The following C10orf105 variants were observed in gnomAD, a reference collection of about 807,000 sequenced individuals.
C10orf105 encodes chromosome 10 open reading frame 105.
A neutral mutation model predicts 0.6 loss-of-function variants in C10orf105; 2 were observed. The observed-to-expected ratio is 3.18, with a 90% CI of 1.30 to 10.01. The LOEUF (loss-of-function observed/expected upper bound fraction) is 10.01, where lower values mean the gene tolerates loss of function less well. C10orf105 is among the 30% of genes most tolerant of loss of function. The pLI is 0.04. For synonymous variants in C10orf105, 95 were observed against 82.4 expected (o/e 1.15, Z -0.83); for missense variants, 209 against 191.4 (o/e 1.09, Z -0.54).
chr10:71,721,512 A>C (rs190457813), upstream of C10orf105, among the ~76,000 whole-genome samples: 33 of 152,338 alleles, frequency 2.2e-4, no homozygotes, highest in Admixed American at 7.8e-4. Context: ...CTGAGGCTCA[A>C]GGGGGCTAAA....
chr10:71,734,119 A>G, intron 1 of C10orf105: 1 of 789,064 alleles, frequency 1.3e-6, no homozygotes, highest in Non-Finnish European at 2.2e-6. Flanking sequence ...CAACAGACAG[A>G]GTGTCCTGGG....
upstream of C10orf105, among the ~76,000 whole-genome samples, chr10:71,720,790 G>C (rs972469738): frequency 1.3e-5 from 2 of 152,180 alleles, no homozygotes; most frequent in African/African-American, 2.4e-5. Flanking sequence ...AGAGAAAAGA[G>C]CCCCCGTCTT....
rs771459636 is a variant in C10orf105, at chr10:71,712,621, C to T, written c.*3315G>A. The T allele has an allele frequency of 2.2e-5, 36 of 1,606,534 alleles. No homozygotes were observed. Among genetic ancestry groups the T allele is most frequent in the Non-Finnish European group, 2.8e-5 (33 of 1,175,312 alleles). On this transcript the variant is annotated 3_prime_UTR_variant, in exon 2 of 2. Coordinates refer to ENST00000441508, the MANE Select transcript of C10orf105 (RefSeq NM_001164375.3). ...GCAAAGTCACAGGAAGTGTGCCCCT[C>T]TCTCAGGCAGCTGCTAACACCTGTC...
intron 1 of C10orf105, among the ~76,000 whole-genome samples, chr10:71,737,434 A>G (rs1839597200): frequency 1.3e-5 from 2 of 152,258 alleles, no homozygotes; most frequent in Non-Finnish European, 2.9e-5. Context: ...TCACTCTCCT[A>G]TACTTCTGAG....
chr10:71,725,814 C>T (rs185476207), intron 1 of C10orf105, among the ~76,000 whole-genome samples: 34 of 152,294 alleles, frequency 2.2e-4, no homozygotes, highest in Admixed American at 1.9e-3. Context: ...ACAGAGCTCT[C>T]TAGGGTAAGT....
At chr10:71,730,507 C>A (rs547970498) in intron 1 of C10orf105, 1 of 1,613,936 alleles carries the variant, frequency 6.2e-7, no homozygotes, top group Non-Finnish European at 8.5e-7. Flanking sequence ...ATGAGGCCCC[C>A]GTGTTCACAC....
chr10:71,726,198 C>A (rs1866802127), intron 1 of C10orf105, among the ~76,000 whole-genome samples: 1 of 152,110 alleles, frequency 6.6e-6, no homozygotes, highest in African/African-American at 2.4e-5. Flanking sequence ...TCACCCCCAC[C>A]CCTACACACT....
chr10:71,734,564 C>G, intron 1 of C10orf105: 2 of 1,606,116 alleles, frequency 1.2e-6, no homozygotes, highest in Non-Finnish European at 1.7e-6. Flanking sequence ...GAGACACTGC[C>G]GGGAGTGGGG....
At chr10:71,737,157 T>C (rs1839589751) in intron 1 of C10orf105, among the ~76,000 whole-genome samples, 1 of 152,138 alleles carries the variant, frequency 6.6e-6, no homozygotes. Flanking sequence ...GGACTGGGGC[T>C]CAGGGACCTC....
rs1327617939 is a variant in C10orf105, at chr10:71,716,253, G to C, written c.85C>G (p.Leu29Val). Reference sequence around the variant, plus strand: ...GGGAGGGGGTCAGTTGCCTCTGCAAGGGTCCCGGGAGTGACGGGAGCTGAG... The same window carrying C: ...GGGAGGGGGTCAGTTGCCTCTGCAACGGTCCCGGGAGTGACGGGAGCTGAG... Reference protein sequence around the residue: ...FLSAPVTPGTLAEATDPLPML... With the variant: ...FLSAPVTPGTVAEATDPLPML... The change falls in exon 2 of 2, where the codon CTT becomes GTT. Residue 29 changes from leucine to valine, a missense_variant. Physicochemically the swap from Leu to Val is conservative, Grantham distance 32. Coordinates refer to ENST00000441508, the MANE Select transcript of C10orf105 (RefSeq NM_001164375.3). 1 of 1,548,532 alleles carries C rather than the reference G, an allele frequency of 6.5e-7. No homozygotes were observed. The highest frequency in any genetic ancestry group is 1.4e-5 in the African/African-American group (1 of 72,998).
upstream of C10orf105, among the ~76,000 whole-genome samples, chr10:71,722,777 G>T (rs1423148503): frequency 6.6e-6 from 1 of 152,160 alleles, no homozygotes; most frequent in Non-Finnish European, 1.5e-5. Context: ...GAGCTTGCCA[G>T]GAAACAGCCA....
At chr10:71,731,526 G>T (rs149789088) in intron 1 of C10orf105, among the ~76,000 whole-genome samples, 2 of 152,160 alleles carry the variant, frequency 1.3e-5, no homozygotes, top group Non-Finnish European at 2.9e-5. Context: ...AATTTGGGGC[G>T]TAGGGAGTGG....
chr10:71,725,376 C>T (rs766367146), intron 1 of C10orf105: 1 of 1,614,022 alleles, frequency 6.2e-7, no homozygotes, highest in African/African-American at 1.3e-5. Context: ...ACACAGGTAA[C>T]CATGGCAACA....
chr10:71,732,272 G>C, intron 1 of C10orf105: 1 of 1,613,414 alleles, frequency 6.2e-7, no homozygotes, highest in Non-Finnish European at 8.5e-7. Flanking sequence ...GAGATTGTGC[G>C]GGTCCAGGCC....
chr10:71,729,408 G>C (rs183708930), intron 1 of C10orf105, among the ~76,000 whole-genome samples: 1 of 152,224 alleles, frequency 6.6e-6, no homozygotes, highest in African/African-American at 2.4e-5. Context: ...CTAGGCCTCC[G>C]TCCCCCAGGG....
In C10orf105 at chr10:71,713,702, C is replaced by T. The variant is rs1047983886; in HGVS notation, c.*2234G>A. 6 of 182,938 alleles carry T rather than the reference C, an allele frequency of 3.3e-5. No homozygotes were observed. The highest frequency in any genetic ancestry group is 2.8e-4 in the Admixed American group (5 of 18,064). The allele number at this position is 182,938 out of a possible 1,614,324, so 11.3% of individuals were successfully genotyped here. A position where few individuals can be genotyped will look rare whatever the true frequency, so the allele number is the denominator to read the frequency against. On this transcript the variant is annotated 3_prime_UTR_variant, in exon 2 of 2. Coordinates refer to ENST00000441508, the MANE Select transcript of C10orf105 (RefSeq NM_001164375.3). ...TCAGCTTGTGAGGACTTGGAGCATACCCCCCTGGCCTGGTGCCTGAAACCC... is the reference window on the plus strand; with the variant it reads ...TCAGCTTGTGAGGACTTGGAGCATATCCCCCTGGCCTGGTGCCTGAAACCC...
chr10:71,734,151 A>C, intron 1 of C10orf105: 1 of 1,021,396 alleles, frequency 9.8e-7, no homozygotes, highest in Non-Finnish European at 1.5e-6. Flanking sequence ...GGACAGAGGA[A>C]GTGACATGGA....
Position 71,718,179 on chromosome 10 carries a change from AGAT to A in C10orf105, c.-6+1445_-6+1447del, listed in dbSNP as rs1342867507. On this transcript the variant is annotated intron_variant, in intron 1 of 1. Coordinates refer to ENST00000441508, the MANE Select transcript of C10orf105 (RefSeq NM_001164375.3). ...TAGCACGGAAGCTCAGGAGGAGGAA[AGAT>A]GTCAGGTCACGCTCAGAGAAACCCT... Among the ~76,000 whole-genome samples, 7 of 152,324 alleles carry A rather than the reference AGAT, an allele frequency of 4.6e-5. No homozygotes were observed. The East Asian group carries it at 1.3e-3, about 29-fold the overall frequency.
Position 71,712,886 on chromosome 10 carries a change from A to G in C10orf105, c.*3050T>C. The G allele has an allele frequency of 2.0e-6, 3 of 1,538,204 alleles. No individual in the cohort carries two copies. The highest frequency in any genetic ancestry group is 2.7e-6 in the Non-Finnish European group (3 of 1,127,678). ...GAGCCACACACGGCCCTGAGGGCAC[A>G]TGCTCAGTGGCACCAGAGGCGGAAG... is the stretch of plus-strand genomic sequence containing the variant. On this transcript the variant is annotated 3_prime_UTR_variant, in exon 2 of 2. Transcript: ENST00000441508.
Sources: allele counts gnomAD v4.1 joint callset (sites outside exome capture counted in the v4.1 genomes callset), GRCh38; gene constraint gnomAD v4.1.1; transcripts MANE v1.5; gene names NCBI Gene and HGNC (gene_info 2026-07-23, HGNC 2026-07-21).